The following NRXN1 variants were observed in gnomAD, a reference collection of about 807,000 sequenced individuals.
The protein encoded by NRXN1 is neurexin-1.
A neutral mutation model predicts 150.9 loss-of-function variants in NRXN1; 39 were observed. The ratio of observed to expected loss-of-function variants is 0.26; its 90% CI spans 0.20 to 0.34. The LOEUF (loss-of-function observed/expected upper bound fraction) is 0.34. Ranked by LOEUF, NRXN1 falls within the 10% of genes least tolerant of loss-of-function variation. The pLI is 1.00. For synonymous variants in NRXN1, 924 were observed against 757.0 expected, an observed-to-expected ratio of 1.22 and a Z score of -3.62; for missense variants, 1,815 against 1,949.9, an observed-to-expected ratio of 0.93 and a Z score of 1.30.
chr2:50,560,157 C>T (rs1366243349), intron 8 of NRXN1, among the ~76,000 whole-genome samples: 5 of 152,170 alleles, frequency 3.3e-5, no homozygotes, highest in Non-Finnish European at 7.3e-5. Flanking sequence ...TATTCACTTT[C>T]TTACACTGAA....
intron 18 of NRXN1, among the ~76,000 whole-genome samples, chr2:50,127,523 C>T (rs2152743503): frequency 6.6e-6 from 1 of 152,208 alleles, no homozygotes; most frequent in South Asian, 2.1e-4. Flanking sequence ...TTTACCAATA[C>T]TTTCTCATCC....
intron 18 of NRXN1, among the ~76,000 whole-genome samples, chr2:50,200,807 C>T (rs935020023): frequency 3.3e-5 from 5 of 152,058 alleles, no homozygotes; most frequent in African/African-American, 1.2e-4. Flanking sequence ...AAAGTCATTC[C>T]TAAGAACCTT....
chr2:50,984,024 G>A (rs1475949272), intron 2 of NRXN1, among the ~76,000 whole-genome samples: 1 of 151,232 alleles, frequency 6.6e-6, no homozygotes, highest in African/African-American at 2.4e-5. Context: ...CTGGAAGGCA[G>A]TAGCATGATC....
chr2:50,422,618 A>G (rs548773253), intron 17 of NRXN1, among the ~76,000 whole-genome samples: 45 of 152,276 alleles, frequency 3.0e-4, no homozygotes, highest in African/African-American at 1.0e-3. Flanking sequence ...TTTGTATTGA[A>G]TACACACAGA....
chr2:50,898,652 C>T (rs1223459044), intron 5 of NRXN1: 4 of 419,480 alleles, frequency 9.5e-6, no homozygotes, highest in Admixed American at 8.8e-5. Flanking sequence ...ATCTAAATTC[C>T]CACATTTCAA....
chr2:50,206,228 TACACACACACAC>T (rs66795755), intron 18 of NRXN1, among the ~76,000 whole-genome samples: 6 of 106,428 alleles, frequency 5.6e-5, no homozygotes, highest in Admixed American at 1.7e-4. Context: ...TACACACAAA[TACACACACACAC>T]ACACACACAC....
rs144181540 is a variant in NRXN1 at position 49,934,044 on chromosome 2, A to G, written c.4216+9660T>C. On this transcript the variant is annotated intron_variant, in intron 22 of 22. Coordinates refer to ENST00000401669, the MANE Select transcript of NRXN1 (RefSeq NM_001330078.2). ...TTTCTGTTTTTCTGTGAGACATTCTATCTTTAATGGATCAGTGCTCTCTGG... is the reference window on the plus strand; with the variant it reads ...TTTCTGTTTTTCTGTGAGACATTCTGTCTTTAATGGATCAGTGCTCTCTGG... Among the ~76,000 whole-genome samples the G allele has an allele frequency of 6.4e-4, 97 of 152,302 alleles. 2 individuals carry two copies. In the South Asian group the frequency reaches 0.014, roughly 22 times the overall value.
intron 18 of NRXN1, among the ~76,000 whole-genome samples, chr2:50,186,691 C>T (rs920795014): frequency 3.3e-5 from 5 of 151,846 alleles, no homozygotes; most frequent in Admixed American, 2.0e-4. Context: ...ACTCAAAGGC[C>T]GAAAAGACAT....
At chr2:50,433,072 A>G (rs1199169561) in intron 17 of NRXN1, among the ~76,000 whole-genome samples, 1 of 152,244 alleles carries the variant, frequency 6.6e-6, no homozygotes, top group East Asian at 1.9e-4. Context: ...AACACCCTTC[A>G]TTGCCAGAAA....
intron 5 of NRXN1, among the ~76,000 whole-genome samples, chr2:50,854,149 C>G (rs1674923881): frequency 2.0e-5 from 3 of 151,986 alleles, no homozygotes. Context: ...AGATGTTTCT[C>G]TTTATTTTCC....
Position 50,053,278 on chromosome 2 carries a change from A to G in NRXN1, c.4121T>C (p.Ile1374Thr). Residue 1374 changes from isoleucine (I) to threonine (T), a missense_variant, in exon 21 of 23, where the codon ATT becomes ACT. By Grantham distance (89) the Ile-to-Thr change is moderately conservative. Coordinates refer to ENST00000401669, the MANE Select transcript of NRXN1 (RefSeq NM_001330078.2). ...RRGKPPTKEP[I>T]SQTTDDILVA... ...TAAAATCCACAGGCTCACCTGGCTA[A>G]TGGGTTCTTTTGTCGGGGGCTTTCC... 6.2e-7 allele frequency: 1 copy of G among 1,613,968 alleles called. No individual in the cohort carries two copies. Among genetic ancestry groups the G allele is most frequent in the Non-Finnish European group, 8.5e-7 (1 of 1,179,858 alleles).
chr2:50,832,255 G>A (rs2105892021), intron 5 of NRXN1, among the ~76,000 whole-genome samples: 1 of 152,264 alleles, frequency 6.6e-6, no homozygotes, highest in Non-Finnish European at 1.5e-5. Context: ...TAGAGGTCAA[G>A]AGAGTTGTAA....
chr2:51,005,499 G>A (rs975942484), intron 2 of NRXN1, among the ~76,000 whole-genome samples: 1 of 151,890 alleles, frequency 6.6e-6, no homozygotes, highest in African/African-American at 2.4e-5. Flanking sequence ...AGATAAGCAA[G>A]AAATAAGGGG....
chr2:50,994,748 T>C (rs550645836), intron 2 of NRXN1, among the ~76,000 whole-genome samples: 21 of 152,176 alleles, frequency 1.4e-4, no homozygotes, highest in Middle Eastern at 6.8e-3. Context: ...CTGAGTTTTT[T>C]AAAAAGCATA....
At chr2:50,497,048 A>G (rs893483453) in intron 14 of NRXN1, among the ~76,000 whole-genome samples, 1 of 152,220 alleles carries the variant, frequency 6.6e-6, no homozygotes, top group Admixed American at 6.5e-5. Flanking sequence ...ATAGTCAGGA[A>G]ATGCCCATTT....
At chr2:50,555,684 G>T (rs1325086348) in intron 8 of NRXN1, among the ~76,000 whole-genome samples, 1 of 152,122 alleles carries the variant, frequency 6.6e-6, no homozygotes, top group East Asian at 1.9e-4. Flanking sequence ...CTAGTTTCTA[G>T]ATTATAGGCT....
At chr2:49,951,832 T>C (rs1319961577) in intron 21 of NRXN1, among the ~76,000 whole-genome samples, 1 of 151,982 alleles carries the variant, frequency 6.6e-6, no homozygotes, top group South Asian at 2.1e-4. Context: ...GTCACACACA[T>C]TGAAATCAAA....
intron 17 of NRXN1, among the ~76,000 whole-genome samples, chr2:50,356,685 C>G (rs904166914): frequency 1.3e-5 from 2 of 152,074 alleles, no homozygotes; most frequent in Admixed American, 1.3e-4. Flanking sequence ...TACCTTATTG[C>G]CTTCTAAATA....
intron 12 of NRXN1, among the ~76,000 whole-genome samples, chr2:50,510,512 A>G (rs1256376729): frequency 7.0e-6 from 1 of 142,748 alleles, no homozygotes; most frequent in African/African-American, 2.6e-5. Flanking sequence ...AAAAAAAAAA[A>G]ACCACAAAAG....
Sources: gnomAD v4.1 joint callset for allele counts (sites outside exome capture counted in the v4.1 genomes callset) on GRCh38, gnomAD v4.1.1 for gene constraint, MANE v1.5 for transcripts, NCBI Gene and HGNC (gene_info 2026-07-23, HGNC 2026-07-21) for gene names.